THRAP3: variants seen among roughly 807,000 people sequenced by gnomAD.
The protein encoded by THRAP3 is thyroid hormone receptor associated protein 3, also known as thyroid hormone receptor-associated protein 3.
A neutral mutation model predicts 101.0 loss-of-function variants in THRAP3; 16 were observed. That is an observed-to-expected ratio of 0.16 (90% CI 0.11 to 0.24). THRAP3 has a LOEUF of 0.24. Among genes scored for constraint, THRAP3 ranks in the 10% least tolerant of loss-of-function variants. THRAP3 has a pLI of 1.00. For missense variants in THRAP3, 989 were observed against 1,202.7 expected (o/e 0.82, Z 2.63); for synonymous variants, 407 against 422.6 (o/e 0.96, Z 0.45).
intron 4 of THRAP3, chr1:36,288,842 G>A: frequency 1.0e-6 from 1 of 985,290 alleles, no homozygotes; most frequent in Middle Eastern, 5.2e-4. Flanking sequence ...CAACTCCATG[G>A]ATCATATATT....
intron 1 of THRAP3, among the ~76,000 whole-genome samples, chr1:36,243,949 T>C (rs535040323): frequency 0.45 from 15,887 of 35,258 alleles, 4,046 homozygotes; most frequent in South Asian, 0.55. Flanking sequence ...CCCTCCCGGA[T>C]GGGGCGGCTG....
At position 36,259,388 on chromosome 1, in the gene THRAP3, A is replaced by T. The variant is rs1645415544; in HGVS notation, c.-128A>T. On this transcript the variant is annotated 5_prime_UTR_variant, in exon 2 of 12. An upstream start codon of the reference 5' UTR is lost. Coordinates refer to ENST00000354618, the MANE Select transcript of THRAP3 (RefSeq NM_005119.4). The stretch of plus-strand genomic sequence containing the variant: ...TTATTTTCTCTCATTTCAGAAGTGT[A>T]TGCTGACTTGTAAAGTGAAGAAGCC... 2.5e-6 allele frequency: 1 copy of T among 398,558 alleles called. No individual in the cohort carries two copies. The highest frequency in any genetic ancestry group is 4.4e-5 in the Admixed American group (1 of 22,700). 24.7% of individuals were successfully genotyped at this position (398,558 alleles called of 1,614,324 possible). A position where few individuals can be genotyped will look rare whatever the true frequency, so the allele number is the denominator to read the frequency against.
rs574423507 is a variant in THRAP3, at chr1:36,295,080, G to A, written c.2115+1145G>A. On this transcript the variant is annotated intron_variant, in intron 8 of 11. Coordinates refer to ENST00000354618, the MANE Select transcript of THRAP3 (RefSeq NM_005119.4). ...CTCTACTAAAAATACAAAATTAGCC[G>A]GGTGTGGTAGTGCATGCCTGTAATC... is the stretch of plus-strand genomic sequence containing the variant. Among the ~76,000 whole-genome samples, 14 of 152,088 alleles carry A rather than the reference G, an allele frequency of 9.2e-5. No homozygotes were observed. The East Asian group carries it at 1.9e-3, about 21-fold the overall frequency.
intron 2 of THRAP3, among the ~76,000 whole-genome samples, chr1:36,261,473 C>T (rs1196788531): frequency 6.6e-6 from 1 of 152,182 alleles, no homozygotes; most frequent in Non-Finnish European, 1.5e-5. Context: ...GCGGAGCTTG[C>T]AGTGAGCTGA....
intron 1 of THRAP3, among the ~76,000 whole-genome samples, chr1:36,237,363 A>T (rs1193792341): frequency 6.9e-6 from 1 of 145,546 alleles, no homozygotes; most frequent in African/African-American, 2.6e-5. Flanking sequence ...AGCTACTTGG[A>T]AGGCTGAGGC....
At chr1:36,266,850 ATATT>A (rs71796650) in intron 2 of THRAP3, among the ~76,000 whole-genome samples, 4,428 of 144,286 alleles carry the variant, frequency 0.031, 83 homozygotes, top group Middle Eastern at 0.065. Flanking sequence ...TATAATACGA[ATATT>A]TATTTATTTA....
chr1:36,293,109 A>G (rs1258300965), intron 7 of THRAP3, among the ~76,000 whole-genome samples: 2 of 130,168 alleles, frequency 1.5e-5, no homozygotes, highest in Non-Finnish European at 3.1e-5. Context: ...GCTCACTGCA[A>G]CCTCTGCCTC....
chr1:36,223,284 T>G (rs1462217637), upstream of THRAP3, among the ~76,000 whole-genome samples: 1 of 152,176 alleles, frequency 6.6e-6, no homozygotes, highest in Non-Finnish European at 1.5e-5. Flanking sequence ...AGGGCTGATG[T>G]GGCGTGGTCT....
At chr1:36,222,415 CT>C (rs564364713), upstream of THRAP3, among the ~76,000 whole-genome samples, 1 of 150,592 alleles carries the variant, frequency 6.6e-6, no homozygotes, top group East Asian at 2.0e-4. Flanking sequence ...TTTTTCTTTT[CT>C]TTTTTTTTGA....
At chr1:36,243,186 A>G (rs377672542) in intron 1 of THRAP3, among the ~76,000 whole-genome samples, 1 of 146,500 alleles carries the variant, frequency 6.8e-6, no homozygotes, top group South Asian at 2.1e-4. Context: ...TCTGAGCCCA[A>G]ATGAGGGTTT....
chr1:36,257,553 C>G, intron 1 of THRAP3, among the ~76,000 whole-genome samples: 1 of 152,114 alleles, frequency 6.6e-6, no homozygotes. Context: ...ACATGCAGGA[C>G]AGGCTAGGCA....
intron 2 of THRAP3, among the ~76,000 whole-genome samples, chr1:36,280,340 G>T (rs1309341022): frequency 6.6e-6 from 1 of 152,208 alleles, no homozygotes; most frequent in Admixed American, 6.5e-5. Context: ...GGTTTCTGTT[G>T]TTATAGAGCT....
At chr1:36,216,741 T>C in the THRAP3 span, among the ~76,000 whole-genome samples, 2 of 152,120 alleles carry the variant, frequency 1.3e-5, no homozygotes, top group Admixed American at 1.3e-4. Flanking sequence ...ATCACGCCAC[T>C]GCACTCCAGT....
intron 8 of THRAP3, chr1:36,294,153 A>G (rs976845436): frequency 6.2e-6 from 8 of 1,296,984 alleles, no homozygotes; most frequent in African/African-American, 4.5e-5. Flanking sequence ...CCCAAAGTCT[A>G]TTGAGGTGAG....
chr1:36,255,975 C>A (rs1194858222), intron 1 of THRAP3, among the ~76,000 whole-genome samples: 1 of 151,890 alleles, frequency 6.6e-6, no homozygotes, highest in African/African-American at 2.4e-5. Context: ...CTGAGTGACA[C>A]GCTGGTCTAA....
chr1:36,272,073 T>G (rs1367842440), intron 2 of THRAP3, among the ~76,000 whole-genome samples: 1 of 151,698 alleles, frequency 6.6e-6, no homozygotes. Flanking sequence ...AGAGACAGGG[T>G]CTTGCCATGT....
At chr1:36,242,450 ATTT>A (rs34973754) in intron 1 of THRAP3, among the ~76,000 whole-genome samples, 30 of 90,524 alleles carry the variant, frequency 3.3e-4, no homozygotes, top group Admixed American at 8.6e-4. Context: ...GTCTGTTTTG[ATTT>A]TTTTTTTTTT....
chr1:36,303,090 C>T (rs913445140), intron 11 of THRAP3, among the ~76,000 whole-genome samples: 8 of 150,736 alleles, frequency 5.3e-5, no homozygotes, highest in Admixed American at 4.0e-4. Context: ...GGACTACAGG[C>T]GCACACCCCC....
chr1:36,230,369 C>T (rs551285967), intron 1 of THRAP3, among the ~76,000 whole-genome samples: 57 of 151,248 alleles, frequency 3.8e-4, no homozygotes, highest in South Asian at 1.9e-3. Context: ...CCGCCCGCTT[C>T]GGCCTCCCAA....
Sources: gnomAD v4.1 joint callset for allele counts (sites outside exome capture counted in the v4.1 genomes callset) on GRCh38, gnomAD v4.1.1 for gene constraint, MANE v1.5 for transcripts, NCBI Gene and HGNC (gene_info 2026-07-23, HGNC 2026-07-21) for gene names.